IPO11: variants seen among roughly 807,000 people sequenced by gnomAD.
IPO11 encodes the protein importin-11.
Under a neutral mutation model 143.2 loss-of-function variants are expected in IPO11, and 66 were observed. The ratio of observed to expected loss-of-function variants is 0.46; its 90% CI spans 0.38 to 0.57. The LOEUF is 0.57. Among genes scored for constraint, IPO11 ranks in the 20% least tolerant of loss-of-function variants. The pLI is 0.00. For synonymous variants in IPO11, 385 were observed against 377.8 expected, an observed-to-expected ratio of 1.02 and a Z score of -0.22; for missense variants, 1,026 against 1,141.0, an observed-to-expected ratio of 0.90 and a Z score of 1.45.
rs183879241 is a variant in IPO11 at position 62,480,589 on chromosome 5, A to G, written c.829-2512A>G. 6.6e-5 allele frequency among the ~76,000 whole-genome samples: 10 copies of G among 152,014 alleles called. 1 individual carries two copies. The highest frequency in any genetic ancestry group is 4.6e-4 in the Admixed American group (7 of 15,286). On this transcript the variant is annotated intron_variant, in intron 9 of 29. Transcript: ENST00000325324. ...ATCCACGAGCATGGAATGTTCTTCT[A>G]TTTGTTTGTGTCCTCTTATTTTGTT... is the stretch of plus-strand genomic sequence containing the variant.
intron 1 of IPO11, among the ~76,000 whole-genome samples, chr5:62,436,905 T>C (rs1744264569): frequency 6.6e-6 from 1 of 152,218 alleles, no homozygotes; most frequent in African/African-American, 2.4e-5. Context: ...TAACACTTAT[T>C]AATCTCCTTT....
At chr5:62,497,418 T>G (rs1432714969) in intron 16 of IPO11, among the ~76,000 whole-genome samples, 1 of 152,208 alleles carries the variant, frequency 6.6e-6, no homozygotes, top group Non-Finnish European at 1.5e-5. Context: ...CTCTTTCCAG[T>G]CTCATTCTAT....
chr5:62,414,945 A>G (rs547161998), intron 1 of IPO11, among the ~76,000 whole-genome samples: 9 of 152,250 alleles, frequency 5.9e-5, no homozygotes, highest in South Asian at 2.1e-4. Context: ...AAGGTCACAC[A>G]TACCTAGATT....
At chr5:62,553,317 CGT>C (rs1411409466) in intron 26 of IPO11, among the ~76,000 whole-genome samples, 1 of 128,862 alleles carries the variant, frequency 7.8e-6, no homozygotes, top group Non-Finnish European at 1.6e-5. Flanking sequence ...GAATAGTATT[CGT>C]GTGAGTGTGT....
intron 11 of IPO11, among the ~76,000 whole-genome samples, 197 bp downstream of exon 11, chr5:62,484,359 T>C (rs938623596): frequency 7.9e-5 from 12 of 152,298 alleles, no homozygotes; most frequent in African/African-American, 1.7e-4. Context: ...TATGCAAATA[T>C]GTTGTAGAAT....
chr5:62,466,716 G>A (rs1029156285), intron 5 of IPO11, among the ~76,000 whole-genome samples: 60 of 152,296 alleles, frequency 3.9e-4, no homozygotes, highest in African/African-American at 1.3e-3. Flanking sequence ...GGCAGAACAC[G>A]GAAGGCTTTC....
intron 27 of IPO11, among the ~76,000 whole-genome samples, chr5:62,583,888 A>G (rs1744658003): frequency 6.6e-6 from 1 of 152,166 alleles, no homozygotes; most frequent in Admixed American, 6.5e-5. Context: ...TCTACCATTT[A>G]CTACAGGTTC....
intron 6 of IPO11, 34 bp downstream of exon 6, chr5:62,467,297 T>A (rs755783411): frequency 1.3e-6 from 2 of 1,595,292 alleles, no homozygotes; most frequent in South Asian, 2.3e-5. Flanking sequence ...ATTTTTGAAA[T>A]GAGATACCTC....
In IPO11 at chr5:62,605,252, A is replaced by G. The variant is rs534140662; in HGVS notation, c.2763+3404A>G. 2.0e-5 allele frequency among the ~76,000 whole-genome samples: 3 copies of G among 152,316 alleles called. No homozygotes were observed. The South Asian group carries it at 6.2e-4, about 32-fold the overall frequency. ...TCTGTGTTTCAGCAGCTGCTTTGGTAGAGAATAGCAGTAGTGATTGTAGTT... is the reference window on the plus strand; with the variant it reads ...TCTGTGTTTCAGCAGCTGCTTTGGTGGAGAATAGCAGTAGTGATTGTAGTT... On this transcript the variant is annotated intron_variant, in intron 29 of 29. Transcript: ENST00000325324.
intron 1 of IPO11, among the ~76,000 whole-genome samples, chr5:62,434,362 C>T (rs1003986619): frequency 4.6e-5 from 7 of 151,960 alleles, no homozygotes; most frequent in Non-Finnish European, 1.0e-4. Flanking sequence ...AGTGCAGTGG[C>T]GTGATCACAG....
chr5:62,611,760 T>C (rs1222549014), intron 29 of IPO11, among the ~76,000 whole-genome samples: 1 of 152,182 alleles, frequency 6.6e-6, no homozygotes, highest in African/African-American at 2.4e-5. Context: ...GGGAGAACTT[T>C]TTTAGTAACT....
chr5:62,628,573 A>C lies in IPO11; in HGVS notation c.*1255A>C, dbSNP rs1388892443. ...ATATGGTCCAAATTAAATTTTCCAA[A>C]GATACCTCACCTTGGACTGATTTGT... On this transcript the variant is annotated 3_prime_UTR_variant, in exon 30 of 30. Transcript: ENST00000325324. The C allele has an allele frequency of 2.6e-5, 4 of 152,628 alleles. No homozygotes were observed. The highest frequency in any genetic ancestry group is 9.6e-5 in the African/African-American group (4 of 41,452). The allele number at this position is 152,628 out of a possible 1,614,324, so 9.5% of individuals were successfully genotyped here.
At chr5:62,532,133 T>G (rs769788737) in intron 22 of IPO11, among the ~76,000 whole-genome samples, 1 of 152,210 alleles carries the variant, frequency 6.6e-6, no homozygotes, top group Non-Finnish European at 1.5e-5. Context: ...ATTTCACATA[T>G]TGGTCTCATT....
At chr5:62,579,993 T>TG in intron 27 of IPO11, 5 of 1,551,292 alleles carry the variant, frequency 3.2e-6, no homozygotes, top group Non-Finnish European at 4.4e-6. Context: ...TTCGGATACT[T>TG]GATTTATCAA....
chr5:62,544,076 A>G (rs1234933453), intron 24 of IPO11, among the ~76,000 whole-genome samples: 1 of 152,152 alleles, frequency 6.6e-6, no homozygotes, highest in African/African-American at 2.4e-5. Flanking sequence ...CAATAGAAAA[A>G]GAGGGAATCC....
At chr5:62,572,545 GTTTATTTATTTATTTA>G (rs57028103) in intron 27 of IPO11, among the ~76,000 whole-genome samples, 49 of 86,102 alleles carry the variant, frequency 5.7e-4, no homozygotes, top group East Asian at 4.0e-3. Context: ...ATATTTGTTT[GTTTATTTATTTATTTA>G]TTTATTTATT....
At chr5:62,525,356 CTT>C (rs70981021) in intron 20 of IPO11, among the ~76,000 whole-genome samples, 111 of 144,486 alleles carry the variant, frequency 7.7e-4, no homozygotes, top group Admixed American at 1.0e-3. Flanking sequence ...TCCTCCCATC[CTT>C]TTTTTTTTTT....
chr5:62,540,642 C>CTACT (rs538317810), intron 24 of IPO11, among the ~76,000 whole-genome samples: 317 of 152,332 alleles, frequency 2.1e-3, no homozygotes, highest in African/African-American at 7.2e-3. Flanking sequence ...ATTGGCTCTG[C>CTACT]TACTTCACAG....
At chr5:62,494,707 A>C (rs1741072146) in intron 16 of IPO11, among the ~76,000 whole-genome samples, 1 of 152,116 alleles carries the variant, frequency 6.6e-6, no homozygotes, top group South Asian at 2.1e-4. Context: ...TGATTTTAAG[A>C]AGTTTAAATT....
Sources: gnomAD v4.1 joint callset for allele counts (sites outside exome capture counted in the v4.1 genomes callset) on GRCh38, gnomAD v4.1.1 for gene constraint, MANE v1.5 for transcripts, NCBI Gene and HGNC (gene_info 2026-07-23, HGNC 2026-07-21) for gene names.